Variants in APOBEC3D observed in about 807,000 individuals in gnomAD.
APOBEC3D encodes DNA dC->dU-editing enzyme APOBEC-3D.
Under a neutral mutation model 45.6 loss-of-function variants are expected in APOBEC3D, and 37 were observed. The observed-to-expected ratio is 0.81, with a 90% confidence interval of 0.62 to 1.07. The LOEUF (loss-of-function observed/expected upper bound fraction) is 1.07, where lower values mean the gene tolerates loss of function less well. Ranked by LOEUF, APOBEC3D falls within the 50% of genes least tolerant of loss-of-function variation. The pLI, the probability that APOBEC3D is intolerant of heterozygous loss-of-function variation, is 0.00. For missense variants in APOBEC3D, 496 were observed against 495.3 expected, an observed-to-expected ratio of 1.00 and a Z score of -0.01; for synonymous variants, 175 against 180.7, an observed-to-expected ratio of 0.97 and a Z score of 0.25.
At chr22:39,023,156 C>G (rs1925294572) in intron 2 of APOBEC3D, 142 bp downstream of exon 2, 3 of 581,476 alleles carry the variant, frequency 5.2e-6, no homozygotes, top group Non-Finnish European at 6.8e-6. Flanking sequence ...CCATCTGTCG[C>G]CCAGGCTGGA....
At position 39,028,399 on chromosome 22, in the gene APOBEC3D, G is replaced by T. The variant is rs540275820; in HGVS notation, c.606-964G>T. 2.6e-5 allele frequency among the ~76,000 whole-genome samples: 4 copies of T among 152,366 alleles called. No individual in the cohort carries two copies. In the East Asian group the frequency reaches 7.7e-4, roughly 29 times the overall value. ...CCACCGCCCCAGCTCTGTGGTGTGG[G>T]CAGATTATCTGGCCTCCCTATGCCT... On this transcript the variant is annotated intron_variant, in intron 4 of 6. Transcript: ENST00000216099.
chr22:39,029,494 G>T lies in APOBEC3D; in HGVS notation c.737G>T (p.Arg246Leu), dbSNP rs368483208. 10 of 1,614,040 alleles carry T rather than the reference G, an allele frequency of 6.2e-6. No individual in the cohort carries two copies. In the African/African-American group the frequency reaches 1.3e-4, roughly 22 times the overall value. ...EVTKHHSAVF[R>L]KRGVFRNQVD... is the part of the protein sequence containing the mutation. ...ACAAAGCACCACTCAGCTGTCTTCC[G>T]GAAGAGGGGCGTCTTCCGAAACCAG... Residue 246 changes from arginine (R) to leucine (L), a missense_variant, in exon 5 of 7, where the codon CGG (arginine) becomes CTG (leucine). Physicochemically the swap from Arg to Leu is moderately radical, Grantham distance 102. Transcript: ENST00000216099.
chr22:39,025,027 T>C, intron 2 of APOBEC3D, 43 bp from the exon 3 acceptor site: 1 of 718,362 alleles, frequency 1.4e-6, no homozygotes, highest in Non-Finnish European at 2.1e-6. Context: ...ACCCCTCCTG[T>C]TCCCCCGTCC....
Position 39,025,674 on chromosome 22 carries a change from G to A in APOBEC3D, c.605+3G>A, listed in dbSNP as rs369041729. The A allele has an allele frequency of 2.4e-5, 38 of 1,614,034 alleles. No homozygotes were observed. In the African/African-American group the frequency reaches 4.8e-4, roughly 20 times the overall value. On this transcript the variant is annotated splice_donor_region_variant and intron_variant, in intron 4 of 6. Coordinates refer to ENST00000216099, the MANE Select transcript of APOBEC3D (RefSeq NM_152426.4). ...CGCACGCTAAAGGAGATTCTCAGGT[G>A]AGGGTCTCCCTCTGGCCTCATCGTC...
rs769158749 is a variant in APOBEC3D at position 39,029,527 on chromosome 22, CA to C, written c.762+11del. The C allele has an allele frequency of 6.2e-6, 10 of 1,614,106 alleles. No individual in the cohort carries two copies. Among genetic ancestry groups the C allele is most frequent in the Non-Finnish European group, 8.5e-6 (10 of 1,179,994 alleles). On this transcript the variant is annotated intron_variant, in intron 5 of 6. Coordinates refer to ENST00000216099, the MANE Select transcript of APOBEC3D (RefSeq NM_152426.4). ...GGCGTCTTCCGAAACCAGGTAGCAC[CA>C]AAGTCCTATTTACACCCTAAATAGG...
At chr22:39,032,073 C>G in intron 6 of APOBEC3D, 100 bp downstream of exon 6, 1 of 1,587,540 alleles carries the variant, frequency 6.3e-7, no homozygotes, top group Non-Finnish European at 8.6e-7. Context: ...CCCGGGAAGC[C>G]TGCAGGGATG....
rs185832524 is a variant in APOBEC3D at position 39,026,063 on chromosome 22, G to A, written c.605+392G>A. Among the ~76,000 whole-genome samples the A allele has an allele frequency of 2.3e-3, 348 of 152,366 alleles. 1 individual carries two copies. The highest frequency in any genetic ancestry group is 7.9e-3 in the African/African-American group (330 of 41,580). ...GCTTTGAGCAACATCCTTCAAGGCC[G>A]ACCTGAGCCCCTGAGAAGGAGCCGC... On this transcript the variant is annotated intron_variant, in intron 4 of 6. Coordinates refer to ENST00000216099, the MANE Select transcript of APOBEC3D (RefSeq NM_152426.4).
At chr22:39,025,406 T>C (rs1925541984) in intron 3 of APOBEC3D, 57 bp downstream of exon 3, 2 of 1,612,326 alleles carry the variant, frequency 1.2e-6, no homozygotes, top group Non-Finnish European at 8.5e-7. Context: ...CAGAGATGGA[T>C]GGATCTGCAA....
At position 39,025,112 on chromosome 22, in the gene APOBEC3D, T is replaced by C. The variant is rs753777961; in HGVS notation, c.253T>C (p.Ser85Pro). The change falls in exon 3 of 7, where the codon TCT becomes CCT. Residue 85 changes from serine to proline, a missense_variant. Transcript: ENST00000216099. ...FENHAEMCFL[S>P]WFCGNRLPAN... ...GAACCACGCAGAAATGTGCTTCTTA[T>C]CTTGGTTCTGTGGCAACCGACTGCC... 3.7e-6 allele frequency: 6 copies of C among 1,610,476 alleles called. No individual in the cohort carries two copies. Among genetic ancestry groups the C allele is most frequent in the Non-Finnish European group, 5.1e-6 (6 of 1,177,648 alleles).
At chr22:39,030,431 T>C (rs1427866589) in intron 5 of APOBEC3D, among the ~76,000 whole-genome samples, 32 of 151,948 alleles carry the variant, frequency 2.1e-4, no homozygotes, top group Admixed American at 7.2e-4. Flanking sequence ...CGCAAGTGTT[T>C]CCAGTCCCCA....
At chr22:39,028,580 G>T (rs1199699877) in intron 4 of APOBEC3D, among the ~76,000 whole-genome samples, 1 of 152,244 alleles carries the variant, frequency 6.6e-6, no homozygotes, top group Non-Finnish European at 1.5e-5. Context: ...GAAGCAGGCA[G>T]ATCACGAAGT....
Position 39,025,595 on chromosome 22 carries a change from G to T in APOBEC3D, c.529G>T (p.Gly177Cys), listed in dbSNP as rs765098359. 1 of 1,614,102 alleles carries T rather than the reference G, an allele frequency of 6.2e-7. No homozygotes were observed. Among genetic ancestry groups the T allele is most frequent in the Admixed American group, 1.7e-5 (1 of 60,020 alleles). The change falls in exon 4 of 7, where the codon GGT becomes TGT. Residue 177 changes from glycine (G) to cysteine (C), a missense_variant. By Grantham distance (159) the Gly-to-Cys change is radical. Coordinates refer to ENST00000216099, the MANE Select transcript of APOBEC3D (RefSeq NM_152426.4). ...YCWENFVCNE[G>C]QPFMPWYKFD... ...CTGGGAAAACTTTGTGTGCAATGAAGGTCAGCCATTCATGCCTTGGTACAA... is the reference window on the plus strand; with the variant it reads ...CTGGGAAAACTTTGTGTGCAATGAATGTCAGCCATTCATGCCTTGGTACAA...
At chr22:39,021,777 C>T (rs1173454442) in intron 1 of APOBEC3D, among the ~76,000 whole-genome samples, 1 of 152,206 alleles carries the variant, frequency 6.6e-6, no homozygotes, top group Non-Finnish European at 1.5e-5. Context: ...TGAGACTCTT[C>T]CCTGAAAGTC....
chr22:39,029,560 G>A (rs1463679500), intron 5 of APOBEC3D, 41 bp downstream of exon 5: 1 of 1,610,324 alleles, frequency 6.2e-7, no homozygotes, highest in Non-Finnish European at 8.5e-7. Flanking sequence ...TAGGAGCTAA[G>A]CAGCTGGGAA....
At chr22:39,027,411 G>A (rs1457441454) in intron 4 of APOBEC3D, among the ~76,000 whole-genome samples, 2 of 152,092 alleles carry the variant, frequency 1.3e-5, no homozygotes, top group African/African-American at 2.4e-5. Flanking sequence ...GGTGGGGGGC[G>A]TCCCTGGGAT....
At chr22:39,022,016 C>T (rs899278072) in intron 1 of APOBEC3D, among the ~76,000 whole-genome samples, 1 of 152,204 alleles carries the variant, frequency 6.6e-6, no homozygotes, top group South Asian at 2.1e-4. Flanking sequence ...TAAATCACAT[C>T]GTCCAAGGAT....
At chr22:39,021,638 G>T (rs1387858063) in intron 1 of APOBEC3D, 102 bp downstream of exon 1, 4 of 1,542,854 alleles carry the variant, frequency 2.6e-6, no homozygotes, top group African/African-American at 1.4e-5. Context: ...CCCCAGCCCT[G>T]GACTTCCTTC....
intron 4 of APOBEC3D, among the ~76,000 whole-genome samples, 178 bp from the exon 5 acceptor site, chr22:39,029,185 T>A (rs1381444125): frequency 6.6e-6 from 1 of 152,140 alleles, no homozygotes; most frequent in Admixed American, 6.5e-5. Context: ...CTGCTGCCCC[T>A]GCCAGTACCC....
intron 3 of APOBEC3D, 102 bp from the exon 4 acceptor site, chr22:39,025,455 T>C: frequency 6.2e-7 from 1 of 1,613,236 alleles, no homozygotes; most frequent in South Asian, 1.1e-5. Context: ...CCTGCAGGGG[T>C]GGGGCTGGCA....
Sources: gnomAD v4.1 joint callset for allele counts (sites outside exome capture counted in the v4.1 genomes callset) on GRCh38, gnomAD v4.1.1 for gene constraint, MANE v1.5 for transcripts, NCBI Gene and HGNC (gene_info 2026-07-23, HGNC 2026-07-21) for gene names.